The following EPB41L5 variants were observed in gnomAD, a reference collection of about 807,000 sequenced individuals.
EPB41L5 encodes erythrocyte membrane protein band 4.1 like 5.
Under a neutral mutation model 106.6 loss-of-function variants are expected in EPB41L5, and 55 were observed. That is an observed-to-expected ratio of 0.52 (90% CI 0.42 to 0.65). The LOEUF is 0.65. EPB41L5 is among the 30% of genes least tolerant of loss of function. The pLI is 0.00. For synonymous variants in EPB41L5, 297 were observed against 306.7 expected (o/e 0.97, Z 0.33); for missense variants, 871 against 882.1 (o/e 0.99, Z 0.16).
intron 16 of EPB41L5, among the ~76,000 whole-genome samples, chr2:120,114,798 A>C (rs1392169542): frequency 6.6e-6 from 1 of 152,174 alleles, no homozygotes. Flanking sequence ...ATGCCTGTTC[A>C]GTCTTTGGTT....
intron 18 of EPB41L5, among the ~76,000 whole-genome samples, chr2:120,139,844 T>C (rs1686093591): frequency 1.3e-5 from 2 of 152,150 alleles, no homozygotes; most frequent in African/African-American, 4.8e-5. Flanking sequence ...GAAATCAGTA[T>C]ATCGAAGAGA....
intron 2 of EPB41L5, among the ~76,000 whole-genome samples, chr2:120,034,740 C>T (rs1410053286): frequency 6.6e-6 from 1 of 151,988 alleles, no homozygotes; most frequent in Admixed American, 6.6e-5. Flanking sequence ...TGGTGCACAC[C>T]TGTAGTCCCA....
At chr2:120,138,242 C>A (rs1686013633) in intron 18 of EPB41L5, among the ~76,000 whole-genome samples, 1 of 151,958 alleles carries the variant, frequency 6.6e-6, no homozygotes, top group African/African-American at 2.4e-5. Flanking sequence ...TTATGACAGA[C>A]CCACAGCTAG....
In EPB41L5 at chr2:120,074,177, C is replaced by G. The variant is rs765431598; in HGVS notation, c.406C>G (p.Arg136Gly). 12 of 1,606,844 alleles carry G rather than the reference C, an allele frequency of 7.5e-6. No homozygotes were observed. The highest frequency in any genetic ancestry group is 1.0e-5 in the Non-Finnish European group (12 of 1,174,904). Residue 136 changes from arginine (R) to glycine (G), a missense_variant and splice_region_variant, in exon 5 of 25, where the codon CGG becomes GGG. Physicochemically the swap from Arg to Gly is moderately radical, Grantham distance 125. Coordinates refer to ENST00000263713, the MANE Select transcript of EPB41L5 (RefSeq NM_020909.4). ...EPNNLREELT[R>G]YLFVLQLKQD... The stretch of plus-strand genomic sequence containing the variant: ...AAATAACCTTCGTGAGGAGCTAACC[C>G]GGTAAGAACACCATCTAGAATTGTG...
chr2:120,166,226 T>C (rs1687400423), intron 22 of EPB41L5, among the ~76,000 whole-genome samples: 1 of 152,030 alleles, frequency 6.6e-6, no homozygotes, highest in Admixed American at 6.5e-5. Flanking sequence ...GTCTGAAAAG[T>C]TGTGTTTCTA....
chr2:120,153,785 C>G (rs2105519249), intron 20 of EPB41L5, among the ~76,000 whole-genome samples: 1 of 152,172 alleles, frequency 6.6e-6, no homozygotes, highest in African/African-American at 2.4e-5. Flanking sequence ...GATTTGAAGT[C>G]TATTTGTCTG....
intron 20 of EPB41L5, among the ~76,000 whole-genome samples, chr2:120,155,631 A>G (rs1173694992): frequency 6.6e-6 from 1 of 152,026 alleles, no homozygotes; most frequent in East Asian, 1.9e-4. Context: ...TAATACGTAT[A>G]TTAATATGCT....
rs1231906596 is a variant in EPB41L5 at position 120,151,609 on chromosome 2, CCTT to C, written c.1793+5321_1793+5323del. On this transcript the variant is annotated intron_variant, in intron 20 of 24. Coordinates refer to ENST00000263713, the MANE Select transcript of EPB41L5 (RefSeq NM_020909.4). Reference sequence around the variant, plus strand: ...ACAGGCAGGAGCCACTGCGTCTGGCCCTTTTTTTTTTTTTTTTTTTTTTAAAGA... The same window carrying C: ...ACAGGCAGGAGCCACTGCGTCTGGCCTTTTTTTTTTTTTTTTTTTTAAAGA... Among the ~76,000 whole-genome samples the C allele has an allele frequency of 6.6e-4, 96 of 145,324 alleles. 2 individuals are homozygous for C. Among genetic ancestry groups the C allele is most frequent in the African/African-American group, 2.4e-3 (92 of 39,056 alleles).
intron 22 of EPB41L5, 138 bp from the exon 23 acceptor site, chr2:120,167,328 T>C (rs1687458227): frequency 3.1e-6 from 2 of 653,132 alleles, no homozygotes; most frequent in East Asian, 5.6e-5. Flanking sequence ...GAAGTCCATG[T>C]CAGCTCAAGG....
In EPB41L5 at chr2:120,177,645, C is replaced by T. The variant is rs886399231; in HGVS notation, c.*2738C>T. On this transcript the variant is annotated 3_prime_UTR_variant, in exon 25 of 25. Coordinates refer to ENST00000263713, the MANE Select transcript of EPB41L5 (RefSeq NM_020909.4). The stretch of plus-strand genomic sequence containing the variant: ...GACACACAGGAGGTCATGGTCATTT[C>T]ATTCCTACTCTTCAGGAGACACTGC... 1 of 152,246 alleles carries T rather than the reference C, an allele frequency of 6.6e-6. No homozygotes were observed. Among genetic ancestry groups the T allele is most frequent in the Admixed American group, 6.5e-5 (1 of 15,280 alleles). The allele number at this position is 152,246 out of a possible 1,614,324, so 9.4% of individuals were successfully genotyped here.
intron 3 of EPB41L5, among the ~76,000 whole-genome samples, chr2:120,059,317 A>T (rs1165356809): frequency 6.6e-6 from 1 of 152,216 alleles, no homozygotes; most frequent in Non-Finnish European, 1.5e-5. Context: ...TTATACCTAT[A>T]CAAAAATTAA....
intron 16 of EPB41L5, among the ~76,000 whole-genome samples, chr2:120,114,133 C>T (rs934148562): frequency 6.6e-6 from 1 of 152,124 alleles, no homozygotes; most frequent in African/African-American, 2.4e-5. Flanking sequence ...CCAACACTTA[C>T]TATTGCCTGT....
chr2:120,047,608 C>A (rs1452251523), intron 3 of EPB41L5, among the ~76,000 whole-genome samples: 1 of 152,108 alleles, frequency 6.6e-6, no homozygotes, highest in African/African-American at 2.4e-5. Context: ...CATCTGCAAA[C>A]AGGGACAATT....
chr2:120,031,167 C>T (rs560950785), intron 2 of EPB41L5, among the ~76,000 whole-genome samples: 1 of 152,230 alleles, frequency 6.6e-6, no homozygotes, highest in Admixed American at 6.5e-5. Flanking sequence ...CCACGCCCAG[C>T]CCCAGCCTCC....
At chr2:120,089,853 G>A (rs1683297035) in intron 11 of EPB41L5, among the ~76,000 whole-genome samples, 1 of 151,988 alleles carries the variant, frequency 6.6e-6, no homozygotes, top group African/African-American at 2.4e-5. Flanking sequence ...ATTTCTTTGA[G>A]CCTCAGTTTC....
intron 16 of EPB41L5, chr2:120,106,341 A>C: frequency 1.0e-6 from 1 of 985,314 alleles, no homozygotes; most frequent in Non-Finnish European, 1.2e-6. Context: ...TCAGAATTTC[A>C]TATCAAATAT....
intron 3 of EPB41L5, among the ~76,000 whole-genome samples, chr2:120,061,096 A>G (rs1681027164): frequency 8.1e-6 from 1 of 123,912 alleles, no homozygotes; most frequent in African/African-American, 3.0e-5. Flanking sequence ...GCTGGAGTGC[A>G]GTGGTGTGAT....
intron 18 of EPB41L5, among the ~76,000 whole-genome samples, chr2:120,141,587 A>G (rs1240307130): frequency 1.3e-5 from 2 of 152,168 alleles, no homozygotes; most frequent in African/African-American, 4.8e-5. Context: ...AAAGGGTTCA[A>G]AAGGGGAGGT....
At chr2:120,077,772 C>G (rs76993306) in intron 9 of EPB41L5, among the ~76,000 whole-genome samples, 3,312 of 152,174 alleles carry the variant, frequency 0.022, 118 homozygotes, top group African/African-American at 0.075. Context: ...TAACTAGTAA[C>G]ATTTTTCCAG....
Sources: allele counts gnomAD v4.1 joint callset (sites outside exome capture counted in the v4.1 genomes callset), GRCh38; gene constraint gnomAD v4.1.1; transcripts MANE v1.5; gene names NCBI Gene and HGNC (gene_info 2026-07-23, HGNC 2026-07-21).